The following CEP131 variants were observed in gnomAD, a reference collection of about 807,000 sequenced individuals.
CEP131 encodes centrosomal protein of 131 kDa.
In CEP131, 99 loss-of-function variants were observed where a neutral mutation model predicts 136.8. The observed-to-expected ratio is 0.72, with a 90% CI of 0.62 to 0.86. The LOEUF (loss-of-function observed/expected upper bound fraction) is 0.86, where lower values mean the gene tolerates loss of function less well. Ranked by LOEUF, CEP131 falls within the 40% of genes least tolerant of loss-of-function variation. The pLI, the probability that CEP131 is intolerant of heterozygous loss-of-function variation, is 0.00. For synonymous variants in CEP131, 646 were observed against 612.7 expected, an observed-to-expected ratio of 1.05 and a Z score of -0.80; for missense variants, 1,459 against 1,463.0, an observed-to-expected ratio of 1.00 and a Z score of 0.04.
intron 2 of CEP131, among the ~76,000 whole-genome samples, chr17:81,211,405 C>T (rs2062129070): frequency 6.6e-6 from 1 of 152,196 alleles, no homozygotes; most frequent in South Asian, 2.1e-4. Flanking sequence ...CAGCAAGTGC[C>T]CAAAAGAGAG....
intron 19 of CEP131, 51 bp downstream of exon 19, chr17:81,192,685 G>GCCCCCCCC: frequency 2.1e-6 from 1 of 478,430 alleles, no homozygotes; most frequent in Non-Finnish European, 4.1e-6. Flanking sequence ...GGGGGGAGGG[G>GCCCCCCCC]TCAGCCAGCG....
At chr17:81,217,833 C>T (rs2146741201) in intron 2 of CEP131, among the ~76,000 whole-genome samples, 1 of 152,312 alleles carries the variant, frequency 6.6e-6, no homozygotes, top group Admixed American at 6.5e-5. Context: ...TGAACCTCTA[C>T]TCAGCAACAG....
Position 81,199,526 on chromosome 17 carries a change from C to T in CEP131, c.1047G>A (p.Leu349=). 6.2e-7 allele frequency: 1 copy of T among 1,607,840 alleles called. No homozygotes were observed. The highest frequency in any genetic ancestry group is 8.5e-7 in the Non-Finnish European group (1 of 1,177,606). Residue 349 remains leucine, a synonymous_variant, in exon 10 of 26, where the codon CTG becomes CTA. Transcript: ENST00000450824. ...CGGCAGTGCTCGCCTTCTGGGCTCT[C>T]AGGGCTCGTTTCTGTTGCAGCTCCT... ...AIQELQQKRA[L]RAQKASTAER...
intron 3 of CEP131, among the ~76,000 whole-genome samples, chr17:81,207,943 C>A (rs201555011): frequency 0.078 from 5 of 64 alleles, no homozygotes; most frequent in Non-Finnish European, 0.12. Flanking sequence ...CACCATACAC[C>A]ACACACACCC....
Position 81,219,243 on chromosome 17 carries a change from C to A in CEP131, c.177+637G>T, listed in dbSNP as rs1200061938. ...CACCCACACACCCGTCTAGGTTTCT[C>A]CAAGGCCACCAGGAGCTCATCACCC... On this transcript the variant is annotated intron_variant, in intron 2 of 25. Coordinates refer to ENST00000450824, the MANE Select transcript of CEP131 (RefSeq NM_014984.4). The surrounding 1 kb of genome is among the most constrained non-coding windows in gnomAD (Gnocchi z 4.0). 6.6e-6 allele frequency among the ~76,000 whole-genome samples: 1 copy of A among 152,020 alleles called. No individual in the cohort carries two copies. Among genetic ancestry groups the A allele is most frequent in the Non-Finnish European group, 1.5e-5 (1 of 68,006 alleles).
At chr17:81,199,054 A>T in intron 10 of CEP131, 83 bp from the exon 11 acceptor site, 1 of 1,326,788 alleles carries the variant, frequency 7.5e-7, no homozygotes, top group Non-Finnish European at 1.0e-6. Context: ...GGAAGGAGCC[A>T]GGCATGGGGG....
Position 81,220,067 on chromosome 17 carries a change from G to T in CEP131, c.-11C>A. ...CCGGGTGCCTTTCATGGTGGACAAG[G>T]CAGGTCCTGAGCGGGGAAGCAAGAG... On this transcript the variant is annotated 5_prime_UTR_variant, in exon 2 of 26. Coordinates refer to ENST00000450824, the MANE Select transcript of CEP131 (RefSeq NM_014984.4). The T allele has an allele frequency of 6.4e-7, 1 of 1,554,200 alleles. No homozygotes were observed.
chr17:81,220,130 C>A, intron 1 of CEP131, 57 bp from the exon 2 acceptor site: 2 of 1,335,780 alleles, frequency 1.5e-6, no homozygotes, highest in African/African-American at 3.0e-5. Context: ...CAGTCCCCTG[C>A]ACCCACCATC....
Position 81,190,604 on chromosome 17 carries a change from C to T in CEP131, c.3107+35G>A, listed in dbSNP as rs747290866. The T allele has an allele frequency of 2.6e-5, 39 of 1,522,856 alleles. No individual in the cohort carries two copies. In the East Asian group the frequency reaches 9.0e-4, roughly 35 times the overall value. 94.3% of individuals were successfully genotyped at this position (1,522,856 alleles called of 1,614,324 possible). On this transcript the variant is annotated intron_variant, in intron 24 of 25. Coordinates refer to ENST00000450824, the MANE Select transcript of CEP131 (RefSeq NM_014984.4). ...AGGTCCTGCCCGCTCCCCTGCCCCG[C>T]CTCCGTCTCCAGCCCTGCAGCCCCC...
rs1325721724 is a variant in CEP131, at chr17:81,192,400, G to T, written c.2548-8C>A. 1.2e-6 allele frequency: 2 copies of T among 1,609,972 alleles called. No homozygotes were observed. The highest frequency in any genetic ancestry group is 1.7e-6 in the Non-Finnish European group (2 of 1,179,124). On this transcript the variant is annotated splice_polypyrimidine_tract_variant and splice_region_variant and intron_variant, in intron 20 of 25. Transcript: ENST00000450824. The stretch of plus-strand genomic sequence containing the variant: ...CAGGGTATTCAGCTCCATCTGGGGG[G>T]CGGACATAAGAGGCCAGTCAGTCCC...
In CEP131 at chr17:81,194,991, A is replaced by C. The variant is rs752363261; in HGVS notation, c.2017-19T>G. 3 of 1,595,734 alleles carry C rather than the reference A, an allele frequency of 1.9e-6. No individual in the cohort carries two copies. The highest frequency in any genetic ancestry group is 2.6e-6 in the Non-Finnish European group (3 of 1,169,586). ...TAATCTCCTACGAGCAGAACAGGGCAGGAGGAAACGACACGAAGGACACCC... is the reference window on the plus strand; with the variant it reads ...TAATCTCCTACGAGCAGAACAGGGCCGGAGGAAACGACACGAAGGACACCC... On this transcript the variant is annotated intron_variant, in intron 16 of 25. Coordinates refer to ENST00000450824, the MANE Select transcript of CEP131 (RefSeq NM_014984.4).
chr17:81,211,764 C>G (rs1429923873), intron 2 of CEP131, among the ~76,000 whole-genome samples: 1 of 151,670 alleles, frequency 6.6e-6, no homozygotes, highest in Non-Finnish European at 1.5e-5. Flanking sequence ...GAAACCCCAT[C>G]TCTACAAAAA....
rs1029348011 is a variant in CEP131, at chr17:81,208,544, G to A, written c.272+384C>T. 1.4e-4 allele frequency among the ~76,000 whole-genome samples: 22 copies of A among 152,254 alleles called. No individual in the cohort carries two copies. Among genetic ancestry groups the A allele is most frequent in the Admixed American group, 3.9e-4 (6 of 15,294 alleles). On this transcript the variant is annotated intron_variant, in intron 3 of 25. Transcript: ENST00000450824. The surrounding 1 kb of genome is among the most constrained non-coding windows in gnomAD (Gnocchi z 5.6). ...GGCAGGGTTTAAGTGGGCAAAGGTG[G>A]GAACAGGGGCGCACAGCGTGGGGGT...
Position 81,189,820 on chromosome 17 carries a change from G to T in CEP131, c.3192C>A (p.His1064Gln). 1 of 1,611,720 alleles carries T rather than the reference G, an allele frequency of 6.2e-7. No individual in the cohort carries two copies. The highest frequency in any genetic ancestry group is 8.5e-7 in the Non-Finnish European group (1 of 1,179,410). ...TGTGCTGCTCCAGCAGCTCCTCCAG[G>T]TGGTCGGCCCGCTTCACCGCAGCCT... The part of the protein sequence containing the change: ...QHEAAVKRAD[H>Q]LEELLEQHRR... The change falls in exon 26 of 26, where the codon CAC (histidine) becomes CAA (glutamine). Residue 1064 changes from histidine to glutamine, a missense_variant. By Grantham distance (24) the His-to-Gln change is conservative (BLOSUM62 0). Transcript: ENST00000450824.
At chr17:81,210,644 G>A (rs1166743758) in intron 2 of CEP131, among the ~76,000 whole-genome samples, 1 of 152,048 alleles carries the variant, frequency 6.6e-6, no homozygotes, top group Non-Finnish European at 1.5e-5. Context: ...AACGGTCTGG[G>A]GAACACCACC....
chr17:81,194,098 C>A lies in CEP131; in HGVS notation c.2149G>T (p.Ala717Ser). The A allele has an allele frequency of 1.3e-6, 2 of 1,558,208 alleles. No individual in the cohort carries two copies. The highest frequency in any genetic ancestry group is 1.2e-5 in the South Asian group (1 of 83,260). The change falls in exon 18 of 26, where the codon GCA becomes TCA. Residue 717 changes from alanine (A) to serine (S), a missense_variant. Physicochemically the swap from Ala to Ser is moderately conservative, Grantham distance 99. Coordinates refer to ENST00000450824, the MANE Select transcript of CEP131 (RefSeq NM_014984.4). Reference protein sequence around the residue: ...GLEPEIQKLIARHKQEVRRLK... With the variant: ...GLEPEIQKLISRHKQEVRRLK... ...CTCCGCACTTCCTGCTTGTGCCTTG[C>A]AATCAGCTTCTGGATCTCGGGCTCC...
At position 81,194,010 on chromosome 17, in the gene CEP131, A is replaced by G. The variant is rs777723302; in HGVS notation, c.2237T>C (p.Leu746Pro). 1.3e-6 allele frequency: 2 copies of G among 1,562,046 alleles called. No individual in the cohort carries two copies. Among genetic ancestry groups the G allele is most frequent in the South Asian group, 1.2e-5 (1 of 84,490 alleles). Residue 746 changes from leucine to proline, a missense_variant, in exon 18 of 26, where the codon CTG becomes CCG. Leu to Pro is a moderately conservative substitution (Grantham distance 98, BLOSUM62 -3). Coordinates refer to ENST00000450824, the MANE Select transcript of CEP131 (RefSeq NM_014984.4). The part of the protein sequence containing the change: ...QSDERASQRC[L>P]RQAEELREQL... Reference sequence around the variant, plus strand: ...CTCCCGCAGCTCCTCGGCCTGGCGCAGGCAGCGCTGCGAGGCCCGCTCATC... The same window carrying G: ...CTCCCGCAGCTCCTCGGCCTGGCGCGGGCAGCGCTGCGAGGCCCGCTCATC...
chr17:81,195,698 C>T (rs1197382320), intron 16 of CEP131, 137 bp downstream of exon 16: 5 of 748,092 alleles, frequency 6.7e-6, no homozygotes, highest in Non-Finnish European at 1.1e-5. Context: ...CCAGACAGCC[C>T]CACCCACCGC....
chr17:81,192,747 C>T lies in CEP131; in HGVS notation c.2418G>A (p.Gln806=). The change falls in exon 19 of 26, where the codon CAG becomes CAA. Residue 806 remains glutamine (Q), a synonymous_variant. Transcript: ENST00000450824. Reference sequence around the variant, plus strand: ...CCCCCGGGCGGCACCTGGCTGCCTGCTGGCCCAGCCGCTCCCTCTCCTCAG... The same window carrying T: ...CCCCCGGGCGGCACCTGGCTGCCTGTTGGCCCAGCCGCTCCCTCTCCTCAG... ...EVAEERERLG[Q]QAARQRAELE... The T allele has an allele frequency of 6.3e-7, 1 of 1,581,398 alleles. No homozygotes were observed. Among genetic ancestry groups the T allele is most frequent in the Non-Finnish European group, 8.6e-7 (1 of 1,165,612 alleles).
Sources: gnomAD v4.1 joint callset for allele counts (sites outside exome capture counted in the v4.1 genomes callset) on GRCh38, gnomAD v4.1.1 for gene constraint, Gnocchi (gnomAD v3.1) non-coding constraint, MANE v1.5 for transcripts, NCBI Gene and HGNC (gene_info 2026-07-23, HGNC 2026-07-21) for gene names.